Variants in ANK1 observed in about 807,000 individuals in gnomAD.
ANK1 encodes the protein ankyrin-1.
A neutral mutation model predicts 210.4 loss-of-function variants in ANK1; 51 were observed. The observed-to-expected ratio is 0.24, with a 90% CI of 0.19 to 0.31. The LOEUF (loss-of-function observed/expected upper bound fraction) is 0.31, where lower values mean the gene tolerates loss of function less well. Among genes scored for constraint, ANK1 ranks in the 10% least tolerant of loss-of-function variants. The pLI is 1.00. For missense variants in ANK1, 2,051 were observed against 2,504.4 expected (o/e 0.82, Z 3.86); for synonymous variants, 967 against 1,025.9 (o/e 0.94, Z 1.10).
intron 2 of ANK1, among the ~76,000 whole-genome samples, chr8:41,746,404 G>C (rs13268341): frequency 3.2e-3 from 492 of 152,278 alleles, no homozygotes; most frequent in Non-Finnish European, 5.3e-3. Flanking sequence ...TGAGAGGACA[G>C]CACAAACTCA....
chr8:41,719,504 C>T (rs1283206994), intron 10 of ANK1, among the ~76,000 whole-genome samples, 157 bp downstream of exon 10: 1 of 152,180 alleles, frequency 6.6e-6, no homozygotes, highest in East Asian at 1.9e-4. Context: ...ACACCAGGCC[C>T]CCACCATCCA....
intron 1 of ANK1, among the ~76,000 whole-genome samples, chr8:41,820,781 G>A (rs1229158314): frequency 6.6e-6 from 1 of 152,276 alleles, no homozygotes; most frequent in South Asian, 2.1e-4. Flanking sequence ...ATGTACACAC[G>A]AGAGTCCCAC....
At chr8:41,846,167 A>T (rs1453134777) in intron 1 of ANK1, among the ~76,000 whole-genome samples, 1 of 152,174 alleles carries the variant, frequency 6.6e-6, no homozygotes, top group Non-Finnish European at 1.5e-5. Flanking sequence ...TTTATGGGGG[A>T]CAAAGCAGGC....
intron 37 of ANK1, among the ~76,000 whole-genome samples, chr8:41,680,325 G>A (rs1386580239): frequency 6.6e-6 from 1 of 152,168 alleles, no homozygotes; most frequent in Admixed American, 6.5e-5. Flanking sequence ...CACTTAGGGA[G>A]GCTGAGGCAG....
chr8:41,661,991 G>C (rs368867758), intron 40 of ANK1, 50 bp from the exon 41 acceptor site: 2 of 1,596,142 alleles, frequency 1.3e-6, no homozygotes, highest in South Asian at 1.1e-5. Flanking sequence ...GGGCTCGGGG[G>C]CTCATGTCTG....
chr8:41,726,263 C>T (rs1396553530), intron 5 of ANK1, among the ~76,000 whole-genome samples: 3 of 152,116 alleles, frequency 2.0e-5, no homozygotes, highest in East Asian at 3.9e-4. Flanking sequence ...GATTCTTTGC[C>T]GGCTCTCTTT....
rs1406994315 is a variant in ANK1 at position 41,703,398 on chromosome 8, A to G, written c.2295+643T>C. Among the ~76,000 whole-genome samples the G allele has an allele frequency of 2.0e-4, 19 of 93,280 alleles. No homozygotes were observed. The East Asian group carries it at 2.4e-3, about 12-fold the overall frequency. The allele number at this position is 93,280 out of a possible 152,430, so 61.2% of individuals were successfully genotyped here. A position where few individuals can be genotyped will look rare whatever the true frequency, so the allele number is the denominator to read the frequency against. On this transcript the variant is annotated intron_variant, in intron 20 of 42. Transcript: ENST00000289734. The stretch of plus-strand genomic sequence containing the variant: ...TGTGTGTGTGCATATATATATATGT[A>G]TATGTGTGTGTGTGTGTGTGTGTGT...
chr8:41,681,689 G>T (rs377557018), intron 37 of ANK1, among the ~76,000 whole-genome samples: 10 of 152,218 alleles, frequency 6.6e-5, no homozygotes, highest in African/African-American at 2.4e-4. Context: ...AGGCCATCAC[G>T]AGCCCTGCCC....
chr8:41,840,656 T>C (rs1391410583), intron 1 of ANK1, among the ~76,000 whole-genome samples: 1 of 152,124 alleles, frequency 6.6e-6, no homozygotes, highest in African/African-American at 2.4e-5. Flanking sequence ...TTCTAAGAAG[T>C]CCCATCACGG....
At chr8:41,844,688 G>A (rs890215756) in intron 1 of ANK1, among the ~76,000 whole-genome samples, 8 of 152,216 alleles carry the variant, frequency 5.3e-5, no homozygotes, top group Admixed American at 3.9e-4. Context: ...AAGAGACGTG[G>A]TAATGAACAA....
At chr8:41,685,094 A>C (rs1817363871) in intron 36 of ANK1, among the ~76,000 whole-genome samples, 1 of 152,086 alleles carries the variant, frequency 6.6e-6, no homozygotes, top group South Asian at 2.1e-4. Context: ...ACGCCCTGCT[A>C]ATTTTTGTAC....
chr8:41,733,014 A>G (rs774536167), intron 3 of ANK1, among the ~76,000 whole-genome samples: 2 of 152,262 alleles, frequency 1.3e-5, no homozygotes, highest in Non-Finnish European at 2.9e-5. Context: ...CTGGGATTAC[A>G]GGCGTGAGCC....
intron 6 of ANK1, 33 bp downstream of exon 6, chr8:41,725,728 G>T (rs781710332): frequency 1.1e-5 from 18 of 1,595,322 alleles, no homozygotes; most frequent in African/African-American, 1.3e-5. Flanking sequence ...GGGCGTCCGC[G>T]GCCCAAGGCT....
At chr8:41,821,931 T>A (rs978330466) in intron 1 of ANK1, among the ~76,000 whole-genome samples, 5 of 151,842 alleles carry the variant, frequency 3.3e-5, no homozygotes, top group African/African-American at 9.7e-5. Flanking sequence ...ACTCCTGTAA[T>A]CCCAGCTACG....
chr8:41,715,686 A>G lies in ANK1; in HGVS notation c.1568T>C (p.Leu523Pro). ...GCAGGCCTGGGATGCTTCCTTTTCC[A>G]GAAGGGCCAGGACTGTTTCCACATG... ...EGHVETVLAL[L>P]EKEASQACMT... Residue 523 changes from leucine (L) to proline (P), a missense_variant, in exon 14 of 43, where the codon CTG (leucine) becomes CCG (proline). This residue lies in a region of ANK1 where 1,413 missense variants were observed against 1,707.4 expected (regional missense o/e 0.83). Transcript: ENST00000289734. 1.2e-6 allele frequency: 2 copies of G among 1,613,912 alleles called. No individual in the cohort carries two copies. Among genetic ancestry groups the G allele is most frequent in the Non-Finnish European group, 1.7e-6 (2 of 1,180,012 alleles).
At chr8:41,861,489 A>T (rs544340223) in intron 1 of ANK1, among the ~76,000 whole-genome samples, 1 of 152,094 alleles carries the variant, frequency 6.6e-6, no homozygotes, top group South Asian at 2.1e-4. Flanking sequence ...TTTTGGTAGA[A>T]CCCCGTAGAA....
rs1311109986 is a variant in ANK1, at chr8:41,892,964, C to A, written c.126+3391G>T. ...CAAGGAGAGAGCTGAGTAAACACTACCCTGGGGTCTCACCGTGTTGCAGGT... is the reference window on the plus strand; with the variant it reads ...CAAGGAGAGAGCTGAGTAAACACTAACCTGGGGTCTCACCGTGTTGCAGGT... On this transcript the variant is annotated intron_variant, in intron 1 of 42. Coordinates refer to the ANK1 transcript ENST00000265709. Among the ~76,000 whole-genome samples the A allele has an allele frequency of 7.3e-5, 11 of 151,248 alleles. No individual in the cohort carries two copies. The South Asian group carries it at 1.0e-3, about 14-fold the overall frequency.
At chr8:41,762,366 C>G (rs940779656) in intron 1 of ANK1, among the ~76,000 whole-genome samples, 1 of 151,906 alleles carries the variant, frequency 6.6e-6, no homozygotes, top group African/African-American at 2.4e-5. Context: ...AAAACAGGAG[C>G]TTGTTTTTTT....
At chr8:41,864,105 C>G (rs897736855) in intron 1 of ANK1, among the ~76,000 whole-genome samples, 1 of 151,986 alleles carries the variant, frequency 6.6e-6, no homozygotes, top group Non-Finnish European at 1.5e-5. Context: ...AAAAAATTAG[C>G]CAGGCATGGC....
Sources: gnomAD v4.1 joint callset for allele counts (sites outside exome capture counted in the v4.1 genomes callset) on GRCh38, gnomAD v4.1.1 for gene constraint, gnomAD v4.1.1 regional missense constraint, MANE v1.5 for transcripts, NCBI Gene and HGNC (gene_info 2026-07-23, HGNC 2026-07-21) for gene names.